Variants in DNAH6 observed in about 807,000 individuals in gnomAD.
DNAH6 encodes axonemal beta dynein heavy chain 6.
A neutral mutation model predicts 491.4 loss-of-function variants in DNAH6; 340 were observed. The observed-to-expected ratio is 0.69, with a 90% confidence interval of 0.63 to 0.76. The LOEUF (loss-of-function observed/expected upper bound fraction) is 0.76. Among genes scored for constraint, DNAH6 ranks in the 30% least tolerant of loss-of-function variants. DNAH6 has a pLI of 0.00. For synonymous variants in DNAH6, 1,603 were observed against 1,686.1 expected, an observed-to-expected ratio of 0.95 and a Z score of 1.21; for missense variants, 4,443 against 4,972.2, an observed-to-expected ratio of 0.89 and a Z score of 3.20.
At chr2:84,818,483 TCAAAAAAAAAAA>T (rs1307085370) in intron 76 of DNAH6, among the ~76,000 whole-genome samples, 26 of 35,554 alleles carry the variant, frequency 7.3e-4, no homozygotes, top group African/African-American at 3.3e-3. Flanking sequence ...AGACCCTATC[TCAAAAAAAAAAA>T]AAAAAAAAAA....
At chr2:84,745,624 C>G (rs1672897346) in intron 63 of DNAH6, among the ~76,000 whole-genome samples, 1 of 150,862 alleles carries the variant, frequency 6.6e-6, no homozygotes, top group African/African-American at 2.4e-5. Flanking sequence ...CGAGATCGCG[C>G]CACTGCACTC....
the DNAH6 span, among the ~76,000 whole-genome samples, chr2:84,460,884 C>A: frequency 2.6e-5 from 4 of 152,276 alleles, no homozygotes; most frequent in African/African-American, 9.6e-5. Flanking sequence ...GTAACAGAAA[C>A]CCACCAAGGG....
chr2:84,619,728 C>A lies in DNAH6; in HGVS notation c.3616C>A (p.Gln1206Lys). The A allele has an allele frequency of 6.4e-7, 1 of 1,551,568 alleles. No individual in the cohort carries two copies. ...TGATGAACTTCTGGAGATTTTGGCC[C>A]AGACACGAAATCCACAGGCCGTGCA... is the stretch of plus-strand genomic sequence containing the variant. ...SNDELLEILA[Q>K]TRNPQAVQPH... Residue 1206 changes from glutamine to lysine, a missense_variant, in exon 24 of 77, where the codon CAG (glutamine) becomes AAG (lysine). Physicochemically the swap from Gln to Lys is moderately conservative, Grantham distance 53. Coordinates refer to ENST00000389394, the MANE Select transcript of DNAH6 (RefSeq NM_001370.2).
intron 75 of DNAH6, 33 bp downstream of exon 75, chr2:84,814,155 C>T (rs1005385759): frequency 1.5e-5 from 23 of 1,544,384 alleles, no homozygotes; most frequent in Non-Finnish European, 1.8e-5. Flanking sequence ...GGCAAAGCAG[C>T]TTCTATCCCA....
intron 3 of DNAH6, 54 bp from the exon 4 acceptor site, chr2:84,528,850 G>A (rs886361588): frequency 1.4e-6 from 2 of 1,461,354 alleles, no homozygotes; most frequent in Admixed American, 4.7e-5. Context: ...TGTTGCTCTT[G>A]TGTGTATGTG....
intron 36 of DNAH6, 128 bp downstream of exon 36, chr2:84,658,602 T>C: frequency 1.6e-6 from 1 of 624,794 alleles, no homozygotes; most frequent in South Asian, 2.7e-5. Flanking sequence ...AGGGGACTAA[T>C]AGCTATGATG....
the DNAH6 span, among the ~76,000 whole-genome samples, chr2:84,472,889 A>T: frequency 2.6e-5 from 4 of 152,214 alleles, no homozygotes; most frequent in Non-Finnish European, 5.9e-5. Flanking sequence ...CACATTTCGA[A>T]TTAAGGCACA....
intron 54 of DNAH6, among the ~76,000 whole-genome samples, chr2:84,708,536 AGAAGGAAGGAAGGAG>A (rs892327714): frequency 2.0e-5 from 3 of 147,892 alleles, no homozygotes; most frequent in African/African-American, 7.5e-5. Context: ...AGAAAAAGAA[AGAAGGAAGGAAGGAG>A]GAAGGAAGGA....
intron 64 of DNAH6, among the ~76,000 whole-genome samples, chr2:84,764,575 A>G (rs1674899807): frequency 6.6e-6 from 1 of 152,214 alleles, no homozygotes; most frequent in Admixed American, 6.5e-5. Flanking sequence ...CAATAGCTCA[A>G]CAATTCACTA....
chr2:84,529,363 A>G (rs891095025), intron 4 of DNAH6, among the ~76,000 whole-genome samples, 197 bp downstream of exon 4: 3 of 152,070 alleles, frequency 2.0e-5, no homozygotes, highest in Non-Finnish European at 4.4e-5. Context: ...AACATTAACT[A>G]TCTTACCTGC....
chr2:84,751,030 C>T (rs1673423969), intron 63 of DNAH6: 1 of 152,238 alleles, frequency 6.6e-6, no homozygotes, highest in Non-Finnish European at 1.5e-5. Context: ...AGGACAGTAT[C>T]ACCTGAAGAA....
intron 64 of DNAH6, among the ~76,000 whole-genome samples, chr2:84,774,474 G>A (rs1675935836): frequency 1.3e-5 from 2 of 152,006 alleles, no homozygotes; most frequent in Non-Finnish European, 2.9e-5. Context: ...TAGCCTTATA[G>A]TACAGTTTGG....
intron 30 of DNAH6, among the ~76,000 whole-genome samples, chr2:84,636,676 G>T (rs145537123): frequency 5.8e-4 from 88 of 152,296 alleles, no homozygotes; most frequent in African/African-American, 1.9e-3. Context: ...ATTTCTTGGG[G>T]AATACCAGAA....
chr2:84,596,102 G>A (rs1395992440), intron 18 of DNAH6, among the ~76,000 whole-genome samples: 1 of 152,124 alleles, frequency 6.6e-6, no homozygotes, highest in African/African-American at 2.4e-5. Flanking sequence ...AGCCAGATGA[G>A]GCTGGGGTAG....
At chr2:84,468,963 C>G in the DNAH6 span, among the ~76,000 whole-genome samples, 2 of 152,164 alleles carry the variant, frequency 1.3e-5, no homozygotes, top group African/African-American at 4.8e-5. Flanking sequence ...GACCTGCAGC[C>G]AAGTTTGTTA....
the DNAH6 span, among the ~76,000 whole-genome samples, chr2:84,468,062 A>G: frequency 6.6e-6 from 1 of 152,228 alleles, no homozygotes; most frequent in East Asian, 1.9e-4. Context: ...TCTGACCTAC[A>G]TAATTTAGAC....
chr2:84,809,962 C>A (rs1228847496), intron 72 of DNAH6, among the ~76,000 whole-genome samples: 1 of 152,172 alleles, frequency 6.6e-6, no homozygotes, highest in Non-Finnish European at 1.5e-5. Flanking sequence ...AAAGGAGTCT[C>A]TCGATGGGGT....
At chr2:84,781,450 A>G (rs1346197515) in intron 64 of DNAH6, 43 bp from the exon 65 acceptor site, 2 of 1,484,996 alleles carry the variant, frequency 1.3e-6, no homozygotes, top group Non-Finnish European at 1.8e-6. Flanking sequence ...ATTTTGCTTT[A>G]AAATAGCATA....
the DNAH6 span, among the ~76,000 whole-genome samples, chr2:84,489,717 A>C: frequency 9.9e-4 from 4 of 4,058 alleles, no homozygotes; most frequent in Non-Finnish European, 4.0e-3. Flanking sequence ...AATTGGTTAG[A>C]CCCACAGTTC....
Sources: allele counts gnomAD v4.1 joint callset (sites outside exome capture counted in the v4.1 genomes callset), GRCh38; gene constraint gnomAD v4.1.1; transcripts MANE v1.5; gene names NCBI Gene and HGNC (gene_info 2026-07-23, HGNC 2026-07-21).